The following ANK3 variants were observed in gnomAD, a reference collection of about 807,000 sequenced individuals.
ANK3 encodes ankyrin-3.
Under a neutral mutation model 370.9 loss-of-function variants are expected in ANK3, and 57 were observed. The observed-to-expected ratio is 0.15, with a 90% CI of 0.12 to 0.19. The LOEUF is 0.19. ANK3 is among the 10% of genes least tolerant of loss of function. The pLI is 1.00. For synonymous variants in ANK3, 1,929 were observed against 1,946.3 expected, an observed-to-expected ratio of 0.99 and a Z score of 0.23; for missense variants, 4,439 against 5,302.1, an observed-to-expected ratio of 0.84 and a Z score of 5.06.
At chr10:60,373,293 G>A (rs1380454) in intron 1 of ANK3, among the ~76,000 whole-genome samples, 56,619 of 152,044 alleles carry the variant, frequency 0.37, 11,384 homozygotes, top group Middle Eastern at 0.5. Flanking sequence ...TTAAATGTCC[G>A]TCCCTTGGCT....
intron 1 of ANK3, among the ~76,000 whole-genome samples, chr10:60,636,531 G>T (rs1304121617): frequency 6.6e-6 from 1 of 152,170 alleles, no homozygotes; most frequent in Non-Finnish European, 1.5e-5. Flanking sequence ...CAGCTAAGAT[G>T]AAATCTTCAC....
intron 43 of ANK3, among the ~76,000 whole-genome samples, chr10:60,035,821 C>A (rs148205573): frequency 6.6e-6 from 1 of 150,720 alleles, no homozygotes; most frequent in Non-Finnish European, 1.5e-5. Context: ...GAAACCCCAT[C>A]GCTACTAAAA....
chr10:60,715,041 C>T (rs2079762343), intron 1 of ANK3, among the ~76,000 whole-genome samples: 1 of 151,968 alleles, frequency 6.6e-6, no homozygotes, highest in Admixed American at 6.6e-5. Flanking sequence ...TATCACTTTA[C>T]CCAAGGTGTT....
At chr10:60,395,472 G>A (rs997595966) in intron 2 of ANK3, among the ~76,000 whole-genome samples, 13 of 152,148 alleles carry the variant, frequency 8.5e-5, no homozygotes, top group East Asian at 1.9e-4. Flanking sequence ...AAGAGAGCCC[G>A]ATCTGTCAGA....
chr10:60,200,553 G>C (rs2096657246), intron 12 of ANK3, among the ~76,000 whole-genome samples: 2 of 152,048 alleles, frequency 1.3e-5, no homozygotes, highest in South Asian at 4.1e-4. Flanking sequence ...AGCTGGGCAG[G>C]TGTGGAGTGC....
chr10:60,052,442 G>A (rs10509117), intron 42 of ANK3, among the ~76,000 whole-genome samples: 18,463 of 152,162 alleles, frequency 0.12, 1,616 homozygotes, highest in African/African-American at 0.25. Context: ...CTGGTACTGA[G>A]AAAGAATTTA....
At chr10:60,460,732 C>T (rs1405424979) in intron 2 of ANK3, among the ~76,000 whole-genome samples, 1 of 152,074 alleles carries the variant, frequency 6.6e-6, no homozygotes, top group African/African-American at 2.4e-5. Flanking sequence ...CCTAAGAATT[C>T]ATTTTATTCT....
intron 2 of ANK3, among the ~76,000 whole-genome samples, chr10:60,421,197 G>A (rs2063771145): frequency 6.6e-6 from 1 of 152,070 alleles, no homozygotes; most frequent in Non-Finnish European, 1.5e-5. Context: ...GGCAGCTATT[G>A]CTTAATAATA....
intron 9 of ANK3, among the ~76,000 whole-genome samples, chr10:60,211,892 C>CAAAAAAAAAAAAAAAAAAAAAGA (rs2096861678): frequency 1.1e-5 from 1 of 93,400 alleles, no homozygotes. Flanking sequence ...AATACAGAGC[C>CAAAAAAAAAAAAAAAAAAAAAGA]AAAAAAAAAA....
At chr10:60,030,437 C>T (rs376612595) in intron 43 of ANK3, among the ~76,000 whole-genome samples, 3 of 152,136 alleles carry the variant, frequency 2.0e-5, no homozygotes, top group African/African-American at 7.2e-5. Flanking sequence ...CCACCACGCC[C>T]GGCCCTCAAC....
At chr10:60,307,736 C>T (rs1164025014) in intron 1 of ANK3, among the ~76,000 whole-genome samples, 1 of 152,134 alleles carries the variant, frequency 6.6e-6, no homozygotes, top group Admixed American at 6.5e-5. Context: ...ACACATGCCC[C>T]AGAAGAGTCC....
intron 1 of ANK3, among the ~76,000 whole-genome samples, chr10:60,696,041 T>C (rs1025450601): frequency 1.3e-5 from 2 of 150,522 alleles, no homozygotes; most frequent in Admixed American, 1.3e-4. Flanking sequence ...AAGAATCAAA[T>C]AGACGCAATA....
intron 16 of ANK3, among the ~76,000 whole-genome samples, chr10:60,193,537 C>T (rs567559478): frequency 6.6e-6 from 1 of 151,566 alleles, no homozygotes; most frequent in Non-Finnish European, 1.5e-5. Context: ...TGCCTGTAGT[C>T]TCATCTATTT....
chr10:60,721,697 T>C (rs553582516), intron 1 of ANK3, among the ~76,000 whole-genome samples: 1 of 152,324 alleles, frequency 6.6e-6, no homozygotes, highest in Non-Finnish European at 1.5e-5. Context: ...CAATGATTAC[T>C]AACAGATAAA....
chr10:60,064,286 G>C lies in ANK3; in HGVS notation c.12322C>G (p.Leu4108Val), dbSNP rs1426299426. ...ADHLGLSWTE[L>V]ARELNFSVDE... ...ACTGAAAAATTCAGTTCCCTTGCCA[G>C]TTCTGTAGAAAAGAAAGAGAGTTAC... Residue 4108 changes from leucine (L) to valine (V), a missense_variant and splice_region_variant, in exon 39 of 44, where the codon CTG becomes GTG. Physicochemically the swap from Leu to Val is conservative, Grantham distance 32 (BLOSUM62 1). Coordinates refer to ENST00000280772, the MANE Select transcript of ANK3 (RefSeq NM_020987.5). The C allele has an allele frequency of 6.4e-7, 1 of 1,562,978 alleles. No individual in the cohort carries two copies. The highest frequency in any genetic ancestry group is 8.6e-7 in the Non-Finnish European group (1 of 1,164,914).
rs554038578 is a variant in ANK3, at chr10:60,610,537, C to T, written c.96+4649G>A. Among the ~76,000 whole-genome samples the T allele has an allele frequency of 1.2e-4, 18 of 151,626 alleles. No homozygotes were observed. In the East Asian group the frequency reaches 3.5e-3, roughly 29 times the overall value. ...AAAAATGCTTCCCGAATAAAATCTTCATGGTTGGTCTCTAAATATTGTATT... is the reference window on the plus strand; with the variant it reads ...AAAAATGCTTCCCGAATAAAATCTTTATGGTTGGTCTCTAAATATTGTATT... On this transcript the variant is annotated intron_variant, in intron 2 of 43. Coordinates refer to the ANK3 transcript ENST00000373827.
intron 1 of ANK3, among the ~76,000 whole-genome samples, chr10:60,388,530 T>TA (rs1353900984): frequency 6.6e-6 from 1 of 152,186 alleles, no homozygotes; most frequent in Non-Finnish European, 1.5e-5. Context: ...AGTCAATTTT[T>TA]ATTAATTATC....
intron 6 of ANK3, 62 bp downstream of exon 6, chr10:60,263,773 T>C: frequency 1.3e-6 from 2 of 1,597,472 alleles, no homozygotes; most frequent in East Asian, 4.5e-5. Flanking sequence ...CCGGGTGCTC[T>C]TAAAGGTTGT....
chr10:60,317,784 G>A (rs2047768038), intron 1 of ANK3, among the ~76,000 whole-genome samples: 1 of 149,560 alleles, frequency 6.7e-6, no homozygotes, highest in Non-Finnish European at 1.5e-5. Context: ...TGCGATCTCG[G>A]CTCACTGTAA....
Sources: allele counts gnomAD v4.1 joint callset (sites outside exome capture counted in the v4.1 genomes callset), GRCh38; gene constraint gnomAD v4.1.1; transcripts MANE v1.5; gene names NCBI Gene and HGNC (gene_info 2026-07-23, HGNC 2026-07-21).